ATG10: variants seen among roughly 807,000 people sequenced by gnomAD.
ATG10 encodes autophagy related 10, also known as ubiquitin-like-conjugating enzyme ATG10.
ATG10 carries 30 observed loss-of-function variants against 32.1 expected under a neutral mutation model. The observed-to-expected ratio is 0.94, with a 90% CI of 0.70 to 1.27. The LOEUF is 1.27. Ranked by LOEUF, ATG10 falls within the 50% of genes most tolerant of loss-of-function variation. ATG10 has a pLI of 0.00. For missense variants in ATG10, 233 were observed against 262.3 expected, an observed-to-expected ratio of 0.89 and a Z score of 0.77; for synonymous variants, 87 against 91.5, an observed-to-expected ratio of 0.95 and a Z score of 0.28.
chr5:82,054,275 G>A (rs1332384566), intron 2 of ATG10, among the ~76,000 whole-genome samples: 1 of 152,118 alleles, frequency 6.6e-6, no homozygotes, highest in African/African-American at 2.4e-5. Context: ...TTTGAGTCAG[G>A]GATTGCAGTA....
intron 3 of ATG10, among the ~76,000 whole-genome samples, chr5:82,156,643 C>T (rs529827627): frequency 6.6e-6 from 1 of 152,254 alleles, no homozygotes; most frequent in South Asian, 2.1e-4. Flanking sequence ...TCTTATGTCA[C>T]ATGTAAAGGG....
intron 2 of ATG10, among the ~76,000 whole-genome samples, chr5:81,996,409 T>G (rs546064461): frequency 6.6e-6 from 1 of 152,156 alleles, no homozygotes; most frequent in African/African-American, 2.4e-5. Flanking sequence ...TGGCTATTTT[T>G]AAATTTTTTT....
At chr5:81,986,617 T>C (rs751896132) in intron 1 of ATG10, among the ~76,000 whole-genome samples, 1 of 152,132 alleles carries the variant, frequency 6.6e-6, no homozygotes, top group Non-Finnish European at 1.5e-5. Context: ...TTATCTAGTA[T>C]AGACAGATCA....
intron 2 of ATG10, among the ~76,000 whole-genome samples, chr5:82,027,128 G>A (rs1346385968): frequency 1.3e-5 from 2 of 151,940 alleles, no homozygotes; most frequent in African/African-American, 2.4e-5. Context: ...GCAGGGCATG[G>A]TGGTTCATGC....
At chr5:82,036,934 C>T (rs534424188) in intron 2 of ATG10, among the ~76,000 whole-genome samples, 1 of 151,456 alleles carries the variant, frequency 6.6e-6, no homozygotes, top group African/African-American at 2.4e-5. Flanking sequence ...AGATCGAGAC[C>T]ATCCTGGCCA....
intron 5 of ATG10, among the ~76,000 whole-genome samples, chr5:82,203,922 T>C (rs1229256698): frequency 1.3e-5 from 2 of 152,164 alleles, no homozygotes; most frequent in Non-Finnish European, 2.9e-5. Flanking sequence ...AATTTAATAA[T>C]ATTCATTGAG....
At chr5:81,993,336 C>CTTCCTTCCTTCTTTCT (rs1554039310) in intron 2 of ATG10, among the ~76,000 whole-genome samples, 964 of 77,552 alleles carry the variant, frequency 0.012, 64 homozygotes, top group African/African-American at 0.059. Flanking sequence ...TCCTTCCTTC[C>CTTCCTTCCTTCTTTCT]TTCTTTCTTT....
intron 3 of ATG10, among the ~76,000 whole-genome samples, chr5:82,085,296 T>A (rs1764640015): frequency 6.6e-6 from 1 of 151,938 alleles, no homozygotes; most frequent in African/African-American, 2.4e-5. Flanking sequence ...CCTATATATA[T>A]ATGCACCCAA....
intron 5 of ATG10, among the ~76,000 whole-genome samples, chr5:82,196,490 G>A (rs1744855563): frequency 6.6e-6 from 1 of 152,096 alleles, no homozygotes; most frequent in Non-Finnish European, 1.5e-5. Context: ...ACCCTATGTG[G>A]TCTTCTAAGA....
At chr5:82,252,426 G>GAAA in intron 5 of ATG10, 136 bp from the exon 6 acceptor site, 1 of 629,218 alleles carries the variant, frequency 1.6e-6, no homozygotes. Context: ...TTTAAAAATA[G>GAAA]AAAATAAACC....
intron 2 of ATG10, among the ~76,000 whole-genome samples, chr5:82,030,893 T>C (rs1762725132): frequency 1.3e-5 from 2 of 152,202 alleles, no homozygotes; most frequent in African/African-American, 4.8e-5. Flanking sequence ...AGCCTACATT[T>C]AGGTTTTTAT....
intron 2 of ATG10, among the ~76,000 whole-genome samples, chr5:82,056,430 T>TTG (rs528973310): frequency 2.7e-4 from 12 of 45,160 alleles, no homozygotes; most frequent in Non-Finnish European, 6.2e-4. Context: ...GGCTGCCAGG[T>TTG]TTTTTTTTTT....
intron 3 of ATG10, among the ~76,000 whole-genome samples, chr5:82,083,269 A>C (rs956151139): frequency 5.3e-5 from 8 of 152,198 alleles, no homozygotes; most frequent in African/African-American, 1.7e-4. Flanking sequence ...GCAAGGCAGC[A>C]GTGAGGCTGG....
rs905946876 is a variant in ATG10, at chr5:82,254,610, A to C, written c.*547A>C. The C allele has an allele frequency of 6.6e-6, 1 of 151,916 alleles. No individual in the cohort carries two copies. Among genetic ancestry groups the C allele is most frequent in the African/African-American group, 2.4e-5 (1 of 41,340 alleles). The allele number at this position is 151,916 out of a possible 1,614,324, so 9.4% of individuals were successfully genotyped here. A position where few individuals can be genotyped will look rare whatever the true frequency, so the allele number is the denominator to read the frequency against. ...ACATCACTATAAATAGCAAAAAAAC[A>C]AATCTAACTTATTAATACTAGGAAT... On this transcript the variant is annotated 3_prime_UTR_variant, in exon 8 of 8. Coordinates refer to ENST00000282185, the MANE Select transcript of ATG10 (RefSeq NM_031482.5).
At chr5:82,120,007 T>G (rs1765983075) in intron 3 of ATG10, among the ~76,000 whole-genome samples, 1 of 151,484 alleles carries the variant, frequency 6.6e-6, no homozygotes, top group Non-Finnish European at 1.5e-5. Context: ...TGTGTGTGTG[T>G]GTGTGTGTGT....
chr5:82,124,161 GC>G (rs2149832019), intron 3 of ATG10, among the ~76,000 whole-genome samples: 1 of 146,526 alleles, frequency 6.8e-6, no homozygotes, highest in Non-Finnish European at 1.5e-5. Flanking sequence ...TTGCCACCAC[GC>G]CCGGCTAATT....
intron 5 of ATG10, among the ~76,000 whole-genome samples, chr5:82,192,003 T>C (rs1744681481): frequency 6.6e-6 from 1 of 152,214 alleles, no homozygotes; most frequent in South Asian, 2.1e-4. Context: ...GGTTCAGGAA[T>C]ATCATAGTAG....
At chr5:82,129,734 A>G (rs1766441660) in intron 3 of ATG10, among the ~76,000 whole-genome samples, 1 of 152,072 alleles carries the variant, frequency 6.6e-6, no homozygotes, top group Admixed American at 6.6e-5. Flanking sequence ...CCAGGGGGGC[A>G]TCTGCCAGAT....
chr5:82,131,759 CTGTT>C (rs954412231), intron 3 of ATG10, among the ~76,000 whole-genome samples: 5 of 151,206 alleles, frequency 3.3e-5, no homozygotes, highest in South Asian at 2.1e-4. Flanking sequence ...TTTTGTTAGT[CTGTT>C]TGTGCATTGC....
Sources: gnomAD v4.1 joint callset for allele counts (sites outside exome capture counted in the v4.1 genomes callset) on GRCh38, gnomAD v4.1.1 for gene constraint, MANE v1.5 for transcripts, NCBI Gene and HGNC (gene_info 2026-07-23, HGNC 2026-07-21) for gene names.